CACNA1G: variants seen among roughly 807,000 people sequenced by gnomAD.
CACNA1G encodes calcium voltage-gated channel subunit alpha1 G.
A neutral mutation model predicts 219.4 loss-of-function variants in CACNA1G; 67 were observed. That is an observed-to-expected ratio of 0.31 (90% confidence interval 0.25 to 0.37). The LOEUF is 0.37. Ranked by LOEUF, CACNA1G falls within the 10% of genes least tolerant of loss-of-function variation. The pLI is 1.00. For synonymous variants in CACNA1G, 1,296 were observed against 1,345.3 expected (o/e 0.96, Z 0.80); for missense variants, 2,380 against 3,231.4 (o/e 0.74, Z 6.39).
intron 24 of CACNA1G, 82 bp from the exon 25 acceptor site, chr17:50,607,745 C>G: frequency 8.0e-7 from 1 of 1,248,120 alleles, no homozygotes; most frequent in South Asian, 1.2e-5. Flanking sequence ...TTTGGGTTCG[C>G]AGGAACCCAG....
intron 9 of CACNA1G, among the ~76,000 whole-genome samples, chr17:50,579,940 G>A (rs189154030): frequency 3.3e-4 from 50 of 152,210 alleles, no homozygotes; most frequent in Admixed American, 3.2e-3. Context: ...CGGGGGATTC[G>A]AAGCCCGCCC....
In CACNA1G at chr17:50,571,788, G is replaced by A; in HGVS notation, c.587-90G>A. The A allele has an allele frequency of 1.1e-5, 16 of 1,428,984 alleles. No homozygotes were observed. The highest frequency in any genetic ancestry group is 2.3e-5 in the East Asian group (1 of 43,528). 88.5% of individuals were successfully genotyped at this position (1,428,984 alleles called of 1,614,324 possible). A position where few individuals can be genotyped will look rare whatever the true frequency, so the allele number is the denominator to read the frequency against. On this transcript the variant is annotated intron_variant, in intron 4 of 37. Coordinates refer to ENST00000359106, the MANE Select transcript of CACNA1G (RefSeq NM_018896.5). The surrounding 1 kb of genome is among the most constrained non-coding windows in gnomAD (Gnocchi z 4.3). ...GGGCCGTCTCAGCCTCAGAGTCCCTGGTGGGGCCCCTCCGGGAGTGCTGCC... is the reference window on the plus strand; with the variant it reads ...GGGCCGTCTCAGCCTCAGAGTCCCTAGTGGGGCCCCTCCGGGAGTGCTGCC...
At chr17:50,625,243 C>T (rs572415872) in intron 37 of CACNA1G, among the ~76,000 whole-genome samples, 31 of 152,350 alleles carry the variant, frequency 2.0e-4, no homozygotes, top group Middle Eastern at 3.4e-3. Flanking sequence ...TGAGCCACCG[C>T]GCCCGGCCCC....
At chr17:50,566,736 C>A (rs186831571) in intron 1 of CACNA1G, among the ~76,000 whole-genome samples, 1 of 152,314 alleles carries the variant, frequency 6.6e-6, no homozygotes, top group Non-Finnish European at 1.5e-5. Flanking sequence ...ATTCAGTCTT[C>A]CCAGGTATTG....
chr17:50,569,009 T>TGA, intron 2 of CACNA1G, 28 bp downstream of exon 2: 1 of 1,477,604 alleles, frequency 6.8e-7, no homozygotes, highest in Non-Finnish European at 9.1e-7. Flanking sequence ...TGTGTGTGTG[T>TGA]GTGTGTTGTG....
chr17:50,590,660 AT>A lies in CACNA1G; in HGVS notation c.2453+39del, dbSNP rs34926473. 0.4 allele frequency: 646,762 copies of A among 1,600,064 alleles called. 139,164 individuals are homozygous for A. Among genetic ancestry groups the A allele is most frequent in the East Asian group, 0.91 (40,460 of 44,574 alleles). ...CCCGGCACTGACTCTCAGTTGAGGA[AT>A]GGTAGCAGGGGTGGCTTGGGGCCAG... On this transcript the variant is annotated intron_variant, in intron 10 of 37. Coordinates refer to ENST00000359106, the MANE Select transcript of CACNA1G (RefSeq NM_018896.5).
At position 50,568,348 on chromosome 17, in the gene CACNA1G, G is replaced by A. The variant is rs578186027; in HGVS notation, c.243-522G>A. Reference sequence around the variant, plus strand: ...GGGCCTCAACTTCCTCGAGTTCTGGGGAAGAAAATGATCTACCCCAGATAT... The same window carrying A: ...GGGCCTCAACTTCCTCGAGTTCTGGAGAAGAAAATGATCTACCCCAGATAT... On this transcript the variant is annotated intron_variant, in intron 1 of 37. Transcript: ENST00000359106. Among the ~76,000 whole-genome samples the A allele has an allele frequency of 3.9e-5, 6 of 152,250 alleles. No homozygotes were observed. In the South Asian group the frequency reaches 8.3e-4, roughly 21 times the overall value.
At chr17:50,594,196 A>G (rs2044999201) in intron 13 of CACNA1G, among the ~76,000 whole-genome samples, 1 of 152,152 alleles carries the variant, frequency 6.6e-6, no homozygotes, top group Admixed American at 6.5e-5. Context: ...TGATTTCCTG[A>G]CTTGCAGGGG....
In CACNA1G at chr17:50,624,030, G is replaced by A. The variant is rs1261113296; in HGVS notation, c.6184G>A (p.Gly2062Arg). Reference protein sequence around the residue: ...YMCRHGSTAEGPLGHRGWGLP... With the variant: ...YMCRHGSTAERPLGHRGWGLP... ...GTGTCGGCATGGGAGCACTGCCGAG[G>A]GGCCCCTGGGACACAGGGGCTGGGG... The change falls in exon 36 of 38, where the codon GGG (glycine) becomes AGG (arginine). Residue 2062 changes from glycine (G) to arginine (R), a missense_variant. This residue lies in a region of CACNA1G where 672 missense variants were observed against 670.5 expected (regional missense o/e 1.00). Transcript: ENST00000359106. 6.2e-7 allele frequency: 1 copy of A among 1,613,020 alleles called. No homozygotes were observed. Among genetic ancestry groups the A allele is most frequent in the Non-Finnish European group, 8.5e-7 (1 of 1,179,812 alleles).
At chr17:50,580,400 A>G (rs2145077293) in intron 9 of CACNA1G, among the ~76,000 whole-genome samples, 1 of 151,292 alleles carries the variant, frequency 6.6e-6, no homozygotes, top group Non-Finnish European at 1.5e-5. Context: ...CCCCTCCCCC[A>G]GGGGGCACCT....
rs750717723 is a variant in CACNA1G at position 50,627,001 on chromosome 17, T to C, written c.*250T>C. Reference sequence around the variant, plus strand: ...CTGAGGTTCCCGACACCAGAAGCTGTTGGGAGAAAGCAATACGTTTGTGCA... The same window carrying C: ...CTGAGGTTCCCGACACCAGAAGCTGCTGGGAGAAAGCAATACGTTTGTGCA... On this transcript the variant is annotated 3_prime_UTR_variant, in exon 38 of 38. Transcript: ENST00000359106. 4.3e-5 allele frequency: 29 copies of C among 672,236 alleles called. No homozygotes were observed. In the Middle Eastern group the frequency reaches 1.1e-3, roughly 26 times the overall value. 41.6% of individuals were successfully genotyped at this position (672,236 alleles called of 1,614,324 possible). A position where few individuals can be genotyped will look rare whatever the true frequency, so the allele number is the denominator to read the frequency against.
chr17:50,616,470 G>A (rs2050630042), intron 28 of CACNA1G, 86 bp downstream of exon 28: 1 of 785,896 alleles, frequency 1.3e-6, no homozygotes, highest in Non-Finnish European at 2.1e-6. Flanking sequence ...AAGACCTAGT[G>A]TCTAAGACTT....
chr17:50,582,981 C>A lies in CACNA1G; in HGVS notation c.2301+4417C>A, dbSNP rs764617704. On this transcript the variant is annotated intron_variant, in intron 9 of 37. Coordinates refer to ENST00000359106, the MANE Select transcript of CACNA1G (RefSeq NM_018896.5). Reference sequence around the variant, plus strand: ...AGTGAGTGAGTTTGGCTGTTCAAGGCGAGAGAAGCTGGGGGTGGGGCAGGA... The same window carrying A: ...AGTGAGTGAGTTTGGCTGTTCAAGGAGAGAGAAGCTGGGGGTGGGGCAGGA... Among the ~76,000 whole-genome samples the A allele has an allele frequency of 2.6e-5, 4 of 152,064 alleles. No individual in the cohort carries two copies. The South Asian group carries it at 8.3e-4, about 32-fold the overall frequency.
rs372802826 is a variant in CACNA1G at position 50,615,387 on chromosome 17, G to A, written c.4786G>A (p.Asp1596Asn). 6.2e-5 allele frequency: 100 copies of A among 1,611,402 alleles called. No individual in the cohort carries two copies. Among genetic ancestry groups the A allele is most frequent in the Non-Finnish European group, 8.4e-5 (99 of 1,178,152 alleles). The change falls in exon 27 of 38, where the codon GAC (aspartate) becomes AAC (asparagine). Residue 1596 changes from aspartate to asparagine, a missense_variant. Asp to Asn is a conservative substitution (Grantham distance 23). Transcript: ENST00000359106. The stretch of plus-strand genomic sequence containing the variant: ...AGCCCAGTGCAAACCTTACTACTCC[G>A]ACTACTCCCGCTTCCGGCTCCTCGT... ...SEAQCKPYYSDYSRFRLLVHH... is the reference protein window; with the variant it reads ...SEAQCKPYYSNYSRFRLLVHH...
intron 1 of CACNA1G, 60 bp from the exon 2 acceptor site, chr17:50,568,809 CG>C: frequency 7.6e-7 from 1 of 1,315,138 alleles, no homozygotes. Context: ...GGTGTTAGGG[CG>C]GGGTCGGGGG....
Position 50,571,732 on chromosome 17 carries a change from G to T in CACNA1G, c.587-146G>T. Reference sequence around the variant, plus strand: ...GCAGAGGCTATCTGGGGAGTCAGAGGTGTCTGTTGGTCTCCCCTCCAGCTT... The same window carrying T: ...GCAGAGGCTATCTGGGGAGTCAGAGTTGTCTGTTGGTCTCCCCTCCAGCTT... On this transcript the variant is annotated intron_variant, in intron 4 of 37. Transcript: ENST00000359106. The surrounding 1 kb of genome is among the most constrained non-coding windows in gnomAD (Gnocchi z 4.3). 2 of 714,092 alleles carry T rather than the reference G, an allele frequency of 2.8e-6. No individual in the cohort carries two copies. The highest frequency in any genetic ancestry group is 3.6e-5 in the South Asian group (2 of 55,316). The allele number at this position is 714,092 out of a possible 1,614,324, so 44.2% of individuals were successfully genotyped here.
intron 26 of CACNA1G, among the ~76,000 whole-genome samples, chr17:50,611,188 A>G (rs1272305905): frequency 2.7e-5 from 4 of 146,758 alleles, no homozygotes; most frequent in African/African-American, 1.0e-4. Context: ...CGGGAGGCGG[A>G]GGTTGCAGTG....
At chr17:50,589,890 ATT>A (rs879428291) in intron 9 of CACNA1G, among the ~76,000 whole-genome samples, 883 of 87,028 alleles carry the variant, frequency 0.01, 5 homozygotes, top group East Asian at 0.036. Flanking sequence ...GAATGCGTGC[ATT>A]TTTCTCTCTC....
chr17:50,588,017 C>T (rs2043344036), intron 9 of CACNA1G, among the ~76,000 whole-genome samples: 2 of 152,148 alleles, frequency 1.3e-5, no homozygotes, highest in African/African-American at 4.8e-5. Context: ...AAATACATGA[C>T]ATCAAAAGCT....
Sources: gnomAD v4.1 joint callset for allele counts (sites outside exome capture counted in the v4.1 genomes callset) on GRCh38, gnomAD v4.1.1 for gene constraint, gnomAD v4.1.1 regional missense constraint, Gnocchi (gnomAD v3.1) non-coding constraint, MANE v1.5 for transcripts, NCBI Gene and HGNC (gene_info 2026-07-23, HGNC 2026-07-21) for gene names.